Variants in TNIK observed in about 807,000 individuals in gnomAD.
TNIK encodes the protein TRAF2 and NCK interacting kinase.
In TNIK, 49 loss-of-function variants were observed where a neutral mutation model predicts 191.3. That is an observed-to-expected ratio of 0.26 (90% CI 0.20 to 0.32). TNIK has a LOEUF of 0.32. TNIK is among the 10% of genes least tolerant of loss of function. TNIK has a pLI of 1.00. For synonymous variants in TNIK, 594 were observed against 600.9 expected, an observed-to-expected ratio of 0.99 and a Z score of 0.17; for missense variants, 1,155 against 1,702.3, an observed-to-expected ratio of 0.68 and a Z score of 5.66.
At chr3:171,190,496 G>T (rs1737915149) in intron 6 of TNIK, among the ~76,000 whole-genome samples, 1 of 152,084 alleles carries the variant, frequency 6.6e-6, no homozygotes, top group African/African-American at 2.4e-5. Flanking sequence ...AAGTGGTTCT[G>T]TTCCCACATT....
intron 18 of TNIK, among the ~76,000 whole-genome samples, chr3:171,116,983 C>T (rs1726807782): frequency 6.6e-6 from 1 of 152,186 alleles, no homozygotes; most frequent in African/African-American, 2.4e-5. Context: ...GGAACAGTTG[C>T]ATGGGGTCAG....
intron 1 of TNIK, among the ~76,000 whole-genome samples, chr3:171,452,247 G>A (rs1197693736): frequency 6.6e-6 from 1 of 152,132 alleles, no homozygotes; most frequent in Non-Finnish European, 1.5e-5. Context: ...AAATTAGAAA[G>A]GGATGTTACG....
At chr3:171,116,277 A>G (rs908516391) in intron 18 of TNIK, among the ~76,000 whole-genome samples, 3 of 152,198 alleles carry the variant, frequency 2.0e-5, no homozygotes, top group Non-Finnish European at 2.9e-5. Context: ...TTTCAGAAGA[A>G]TCCCATGAAA....
At chr3:171,226,766 A>G (rs931802683) in intron 3 of TNIK, among the ~76,000 whole-genome samples, 2 of 152,146 alleles carry the variant, frequency 1.3e-5, no homozygotes, top group African/African-American at 4.8e-5. Flanking sequence ...ATACAACTTA[A>G]AGAGGAATTT....
At chr3:171,314,820 A>G (rs1026067397) in intron 2 of TNIK, among the ~76,000 whole-genome samples, 27 of 152,190 alleles carry the variant, frequency 1.8e-4, no homozygotes, top group Admixed American at 1.5e-3. Flanking sequence ...AGAAGGATTC[A>G]GGAGGCAGAA....
chr3:171,165,165 T>G (rs1014522638), intron 10 of TNIK, among the ~76,000 whole-genome samples: 1 of 151,940 alleles, frequency 6.6e-6, no homozygotes, highest in Non-Finnish European at 1.5e-5. Context: ...GGCATGGTGG[T>G]GTGCACCTGT....
chr3:171,294,018 A>AG (rs1751980701), intron 2 of TNIK, among the ~76,000 whole-genome samples: 1 of 152,222 alleles, frequency 6.6e-6, no homozygotes, highest in African/African-American at 2.4e-5. Flanking sequence ...TGAGGTCAGG[A>AG]GTTCAAGACC....
At chr3:171,090,245 G>A (rs1721884471) in intron 23 of TNIK, among the ~76,000 whole-genome samples, 1 of 152,240 alleles carries the variant, frequency 6.6e-6, no homozygotes, top group Non-Finnish European at 1.5e-5. Flanking sequence ...GAGAGCCAGA[G>A]ACCTGCACAT....
intron 2 of TNIK, among the ~76,000 whole-genome samples, chr3:171,367,854 A>C (rs1715959027): frequency 6.6e-6 from 1 of 152,170 alleles, no homozygotes; most frequent in African/African-American, 2.4e-5. Context: ...GGGCTGGTAA[A>C]AGAGAGCAAA....
chr3:171,229,989 C>T (rs954986602), intron 2 of TNIK, among the ~76,000 whole-genome samples: 2 of 152,118 alleles, frequency 1.3e-5, no homozygotes, highest in African/African-American at 2.4e-5. Context: ...CCCTCATTTC[C>T]CCATCTACAA....
chr3:171,157,000 T>C (rs1733271824), intron 12 of TNIK, among the ~76,000 whole-genome samples: 1 of 152,188 alleles, frequency 6.6e-6, no homozygotes, highest in South Asian at 2.1e-4. Context: ...TACGACATGC[T>C]AGAGATACAT....
At chr3:171,325,574 A>G (rs1302173329) in intron 2 of TNIK, among the ~76,000 whole-genome samples, 5 of 152,170 alleles carry the variant, frequency 3.3e-5, no homozygotes, top group Admixed American at 3.3e-4. Flanking sequence ...TTAATAAAAT[A>G]TTACATACTT....
At chr3:171,085,018 T>C in intron 25 of TNIK, 100 bp downstream of exon 25, 1 of 851,700 alleles carries the variant, frequency 1.2e-6, no homozygotes, top group African/African-American at 1.7e-5. Context: ...ACCTAAGCAG[T>C]AATCAGCTTA....
At chr3:171,129,924 C>T (rs1306782202) in intron 15 of TNIK, among the ~76,000 whole-genome samples, 6 of 152,232 alleles carry the variant, frequency 3.9e-5, no homozygotes, top group Admixed American at 3.9e-4. Context: ...CTACTGTGTC[C>T]TGTCCTTTAT....
intron 2 of TNIK, among the ~76,000 whole-genome samples, chr3:171,255,943 G>A (rs1746802960): frequency 1.3e-5 from 2 of 152,132 alleles, no homozygotes; most frequent in Admixed American, 1.3e-4. Flanking sequence ...ATGGGGGAAG[G>A]GGTCTAGTTC....
chr3:171,076,619 C>T (rs1719982377), intron 28 of TNIK, among the ~76,000 whole-genome samples: 1 of 152,162 alleles, frequency 6.6e-6, no homozygotes, highest in Non-Finnish European at 1.5e-5. Context: ...AGCCTCCACA[C>T]ATTTTCTTAT....
rs1729122394 is a variant in TNIK at position 171,130,689 on chromosome 3, T to G, written c.1609-1811A>C. Among the ~76,000 whole-genome samples the G allele has an allele frequency of 2.0e-5, 3 of 152,328 alleles. 1 individual carries two copies. In the South Asian group the frequency reaches 6.2e-4, roughly 32 times the overall value. On this transcript the variant is annotated intron_variant, in intron 15 of 32. Transcript: ENST00000436636. ...AAGAAGGTTAATATTTCTAGACCACTGGAATTGGTCAAATATTATCCATTT... is the reference window on the plus strand; with the variant it reads ...AAGAAGGTTAATATTTCTAGACCACGGGAATTGGTCAAATATTATCCATTT...
chr3:171,143,323 TA>T (rs748033337), intron 12 of TNIK, among the ~76,000 whole-genome samples: 92 of 152,062 alleles, frequency 6.1e-4, no homozygotes, highest in African/African-American at 2.0e-3. Context: ...GGAGGGGATA[TA>T]AAAAAAACAT....
At position 171,166,454 on chromosome 3, in the gene TNIK, C is replaced by T. The variant is rs557553394; in HGVS notation, c.949+641G>A. On this transcript the variant is annotated intron_variant, in intron 10 of 32. Transcript: ENST00000436636. ...TGCAGCCTGAGACTCCAAGTTTGGACTCATGTTCTTTCAATGATGCAGTGA... is the reference window on the plus strand; with the variant it reads ...TGCAGCCTGAGACTCCAAGTTTGGATTCATGTTCTTTCAATGATGCAGTGA... Among the ~76,000 whole-genome samples the T allele has an allele frequency of 6.6e-4, 100 of 152,252 alleles. 1 individual carries two copies. The highest frequency in any genetic ancestry group is 2.3e-3 in the African/African-American group (94 of 41,544).
Sources: allele counts gnomAD v4.1 joint callset (sites outside exome capture counted in the v4.1 genomes callset), GRCh38; gene constraint gnomAD v4.1.1; transcripts MANE v1.5; gene names NCBI Gene and HGNC (gene_info 2026-07-23, HGNC 2026-07-21).